GRIK2: variants seen among roughly 807,000 people sequenced by gnomAD.
GRIK2 encodes the protein glutamate ionotropic receptor kainate type subunit 2.
Under a neutral mutation model 100.3 loss-of-function variants are expected in GRIK2, and 32 were observed. The observed-to-expected ratio is 0.32, with a 90% CI of 0.24 to 0.43. The LOEUF (loss-of-function observed/expected upper bound fraction) is 0.43. GRIK2 is among the 20% of genes least tolerant of loss of function. The pLI, the probability that GRIK2 is intolerant of heterozygous loss-of-function variation, is 1.00. For missense variants in GRIK2, 843 were observed against 1,114.9 expected, an observed-to-expected ratio of 0.76 and a Z score of 3.47; for synonymous variants, 417 against 389.4, an observed-to-expected ratio of 1.07 and a Z score of -0.83.
chr6:101,732,062 T>C (rs1350856206), intron 7 of GRIK2, among the ~76,000 whole-genome samples: 1 of 152,052 alleles, frequency 6.6e-6, no homozygotes, highest in Non-Finnish European at 1.5e-5. Context: ...ACAAAAATTA[T>C]TATATAATAC....
intron 2 of GRIK2, among the ~76,000 whole-genome samples, chr6:101,442,939 A>G (rs1770162346): frequency 6.6e-6 from 1 of 152,172 alleles, no homozygotes; most frequent in Non-Finnish European, 1.5e-5. Flanking sequence ...AAATAACATA[A>G]GATTCTTTTC....
chr6:102,013,107 C>A (rs1200630087), intron 14 of GRIK2, among the ~76,000 whole-genome samples: 1 of 152,024 alleles, frequency 6.6e-6, no homozygotes, highest in Non-Finnish European at 1.5e-5. Flanking sequence ...TCTTTGATTT[C>A]TTTGAGGAGT....
chr6:101,647,276 CAGCTG>C (rs1781575329), intron 4 of GRIK2, among the ~76,000 whole-genome samples: 1 of 152,032 alleles, frequency 6.6e-6, no homozygotes. Context: ...AGAGACTTTG[CAGCTG>C]ATGCTAAACA....
intron 15 of GRIK2, among the ~76,000 whole-genome samples, chr6:102,037,669 A>T (rs1426806645): frequency 6.6e-6 from 1 of 151,382 alleles, no homozygotes; most frequent in African/African-American, 2.4e-5. Flanking sequence ...TTTCACAATT[A>T]TATTGCTGAG....
At position 101,883,289 on chromosome 6, in the gene GRIK2, A is replaced by AAATAATAATAAT. The variant is rs143808702; in HGVS notation, c.1525-6328_1525-6317dup. ...AAACCTCAAGAGTATTCTCTTTGGC[A>AAATAATAATAAT]AATAATAATAATAATAATAATAATA... On this transcript the variant is annotated intron_variant, in intron 11 of 16. Transcript: ENST00000369134. Among the ~76,000 whole-genome samples the AAATAATAATAAT allele has an allele frequency of 8.6e-3, 1,239 of 144,294 alleles. 12 individuals carry two copies. Among genetic ancestry groups the AAATAATAATAAT allele is most frequent in the East Asian group, 0.021 (104 of 4,892 alleles). The allele number at this position is 144,294 out of a possible 152,430, so 94.7% of individuals were successfully genotyped here. A position where few individuals can be genotyped will look rare whatever the true frequency, so the allele number is the denominator to read the frequency against.
chr6:101,541,826 C>G (rs1776013077), intron 2 of GRIK2, among the ~76,000 whole-genome samples: 1 of 151,996 alleles, frequency 6.6e-6, no homozygotes, highest in Non-Finnish European at 1.5e-5. Context: ...TCATCTTTTT[C>G]TTATTCCCTC....
At chr6:101,394,946 A>T (rs867545338) in intron 1 of GRIK2, among the ~76,000 whole-genome samples, 11 of 149,690 alleles carry the variant, frequency 7.3e-5, no homozygotes, top group Non-Finnish European at 8.9e-5. Context: ...GCTGAAATTT[A>T]AAAAAAAAAG....
At chr6:101,875,225 T>C (rs1785740163) in intron 11 of GRIK2, among the ~76,000 whole-genome samples, 1 of 151,904 alleles carries the variant, frequency 6.6e-6, no homozygotes, top group Non-Finnish European at 1.5e-5. Context: ...TGTTTCCCAT[T>C]CCTCTTAATC....
At chr6:101,792,376 T>A (rs1779937013) in intron 7 of GRIK2, among the ~76,000 whole-genome samples, 2 of 152,348 alleles carry the variant, frequency 1.3e-5, no homozygotes, top group African/African-American at 2.4e-5. Flanking sequence ...TAGTGCTTCC[T>A]TCAGGAGCTC....
At chr6:101,732,376 G>T (rs1474977619) in intron 7 of GRIK2, among the ~76,000 whole-genome samples, 1 of 151,850 alleles carries the variant, frequency 6.6e-6, no homozygotes, top group African/African-American at 2.4e-5. Flanking sequence ...ACTTTATTGA[G>T]ATTTTTACAT....
At chr6:101,762,450 AC>A (rs1183818499) in intron 7 of GRIK2, among the ~76,000 whole-genome samples, 1 of 151,864 alleles carries the variant, frequency 6.6e-6, no homozygotes, top group Non-Finnish European at 1.5e-5. Context: ...TGCTTTCCTG[AC>A]ACCGGTATCT....
At chr6:101,583,016 A>G (rs1416428211) in intron 2 of GRIK2, among the ~76,000 whole-genome samples, 3 of 152,142 alleles carry the variant, frequency 2.0e-5, no homozygotes, top group African/African-American at 7.2e-5. Context: ...AAAATTGAAC[A>G]ATGAAATAAG....
chr6:101,741,008 A>G (rs948379423), intron 7 of GRIK2, among the ~76,000 whole-genome samples: 6 of 152,158 alleles, frequency 3.9e-5, no homozygotes, highest in African/African-American at 1.4e-4. Flanking sequence ...TGCAAATTTA[A>G]TTGGCTTTTA....
Position 101,697,900 on chromosome 6 carries a change from C to T in GRIK2, c.951+11547C>T, listed in dbSNP as rs73764503. On this transcript the variant is annotated intron_variant, in intron 7 of 16. Transcript: ENST00000369134. Reference sequence around the variant, plus strand: ...AGACAGTGTCTGGCCAGTAGTTGATCCTCCATAAGTGATATCCATTTGTTT... The same window carrying T: ...AGACAGTGTCTGGCCAGTAGTTGATTCTCCATAAGTGATATCCATTTGTTT... 9.0e-3 allele frequency among the ~76,000 whole-genome samples: 1,375 copies of T among 152,142 alleles called. 17 individuals carry two copies. The highest frequency in any genetic ancestry group is 0.031 in the African/African-American group (1,290 of 41,530).
intron 4 of GRIK2, among the ~76,000 whole-genome samples, chr6:101,636,489 TAAAGTA>T (rs1474485730): frequency 6.6e-6 from 1 of 151,992 alleles, no homozygotes; most frequent in African/African-American, 2.4e-5. Flanking sequence ...TCCCATAACT[TAAAGTA>T]TAATAAAAAA....
chr6:101,815,089 A>G (rs1355360845), intron 9 of GRIK2, among the ~76,000 whole-genome samples: 4 of 152,188 alleles, frequency 2.6e-5, no homozygotes, highest in African/African-American at 9.6e-5. Context: ...TGGTGGACAT[A>G]GGATCCTGGC....
intron 14 of GRIK2, among the ~76,000 whole-genome samples, chr6:101,982,324 A>G (rs1793758788): frequency 6.6e-6 from 1 of 151,884 alleles, no homozygotes; most frequent in African/African-American, 2.4e-5. Flanking sequence ...TCAGAAATAT[A>G]ATTTTCTGGT....
At chr6:101,409,108 ATGTGTGTG>A (rs67806970) in intron 2 of GRIK2, among the ~76,000 whole-genome samples, 20,204 of 138,356 alleles carry the variant, frequency 0.15, 1,361 homozygotes, top group East Asian at 0.2. Flanking sequence ...AACATTGTGT[ATGTGTGTG>A]TGTGTGTGTG....
chr6:102,019,935 TATC>T (rs1769337297), intron 14 of GRIK2, among the ~76,000 whole-genome samples: 2 of 152,162 alleles, frequency 1.3e-5, no homozygotes, highest in African/African-American at 4.8e-5. Context: ...ATGTCAAATT[TATC>T]ATCATATTAC....
Sources: allele counts gnomAD v4.1 joint callset (sites outside exome capture counted in the v4.1 genomes callset), GRCh38; gene constraint gnomAD v4.1.1; transcripts MANE v1.5; gene names NCBI Gene and HGNC (gene_info 2026-07-23, HGNC 2026-07-21).